The following BRCA1 variants were observed in gnomAD, a reference collection of about 807,000 sequenced individuals.
BRCA1 encodes the protein BRCA1 DNA repair associated, also known as breast cancer type 1 susceptibility protein.
BRCA1 carries 140 observed loss-of-function variants against 173.7 expected under a neutral mutation model. The observed-to-expected ratio is 0.81, with a 90% confidence interval of 0.70 to 0.93. BRCA1 has a LOEUF of 0.93. Among genes scored for constraint, BRCA1 ranks in the 40% least tolerant of loss-of-function variants. The pLI, the probability that BRCA1 is intolerant of heterozygous loss-of-function variation, is 0.00. For missense variants in BRCA1, 1,983 were observed against 2,172.5 expected (o/e 0.91, Z 1.73); for synonymous variants, 662 against 756.0 (o/e 0.88, Z 2.04).
At chr17:43,119,716 T>C (rs1028045689) in intron 2 of BRCA1, among the ~76,000 whole-genome samples, 1 of 152,204 alleles carries the variant, frequency 6.6e-6, no homozygotes, top group African/African-American at 2.4e-5. Flanking sequence ...TCCCTATTTC[T>C]GAGATAAGCT....
rs8176243 is a variant in BRCA1 at position 43,065,535 on chromosome 17, A to C, written c.5075-1584T>G. Among the ~76,000 whole-genome samples, 4,557 of 152,214 alleles carry C rather than the reference A, an allele frequency of 0.03. 95 individuals are homozygous for C. Among genetic ancestry groups the C allele is most frequent in the South Asian group, 0.09 (432 of 4,812 alleles). ...AATACAAAATTAGGTATGGTGGTGCATTCCTGTAATCCCAGCTACTCGGGA... is the reference window on the plus strand; with the variant it reads ...AATACAAAATTAGGTATGGTGGTGCCTTCCTGTAATCCCAGCTACTCGGGA... On this transcript the variant is annotated intron_variant, in intron 16 of 22. Transcript: ENST00000357654.
chr17:43,144,812 G>T (rs753987593), intron 1 of BRCA1: 5 of 414,492 alleles, frequency 1.2e-5, no homozygotes, highest in Non-Finnish European at 2.3e-5. Flanking sequence ...TCTAAGGTCT[G>T]GAGTTCGAGA....
chr17:43,085,131 G>A (rs970973913), intron 11 of BRCA1, among the ~76,000 whole-genome samples: 1 of 152,140 alleles, frequency 6.6e-6, no homozygotes, highest in Non-Finnish European at 1.5e-5. Flanking sequence ...CTTCTACTAT[G>A]CTGCTCTGAT....
At position 43,045,756 on chromosome 17, in the gene BRCA1, C is replaced by T. The variant is rs786201248; in HGVS notation, c.5514G>A (p.Val1838=). The T allele has an allele frequency of 6.2e-7, 1 of 1,614,136 alleles. No homozygotes were observed. The highest frequency in any genetic ancestry group is 1.1e-5 in the South Asian group (1 of 91,082). Residue 1838 remains valine, a synonymous_variant, in exon 23 of 23, where the codon GTG becomes GTA. Transcript: ENST00000357654. ...ACTGGTAGAGTGCTACACTGTCCAA[C>T]ACCCACTCTCGGGTCACCACAGGTG... ...CEAPVVTREW[V]LDSVALYQCQ... is the part of the protein sequence containing the mutation.
chr17:43,122,886 AAAG>A (rs1239500899), intron 2 of BRCA1, among the ~76,000 whole-genome samples: 2 of 151,418 alleles, frequency 1.3e-5, no homozygotes, highest in Admixed American at 6.6e-5. Context: ...CTCTACTAAA[AAAG>A]AAAAAAAAAT....
At chr17:43,151,475 C>T (rs2056161211) in intron 1 of BRCA1, among the ~76,000 whole-genome samples, 1 of 152,026 alleles carries the variant, frequency 6.6e-6, no homozygotes, top group African/African-American at 2.4e-5. Flanking sequence ...AGCTCTGGGA[C>T]TCTGTCTCAA....
chr17:43,053,531 G>A (rs928008115), intron 19 of BRCA1, among the ~76,000 whole-genome samples: 4 of 151,626 alleles, frequency 2.6e-5, no homozygotes, highest in Non-Finnish European at 4.4e-5. Flanking sequence ...GCATGGTGGC[G>A]GGCACCTGTA....
At chr17:43,135,572 G>A (rs1234670300) in intron 1 of BRCA1, among the ~76,000 whole-genome samples, 1 of 152,170 alleles carries the variant, frequency 6.6e-6, no homozygotes, top group African/African-American at 2.4e-5. Flanking sequence ...CTTCATCCGC[G>A]TGGAACCTTC....
intron 12 of BRCA1, among the ~76,000 whole-genome samples, chr17:43,079,118 G>A (rs2052879066): frequency 6.6e-6 from 1 of 152,034 alleles, no homozygotes; most frequent in African/African-American, 2.4e-5. Flanking sequence ...ACATTGTAAT[G>A]AGCCGAAATC....
chr17:43,165,762 T>C (rs2056262647), intron 1 of BRCA1: 1 of 147,714 alleles, frequency 6.8e-6, no homozygotes, highest in East Asian at 2.0e-4. Flanking sequence ...ACCATTCTTT[T>C]CCAAAGCGAA....
upstream of BRCA1, chr17:43,170,306 A>T (rs1159519203): frequency 6.3e-6 from 1 of 158,088 alleles, no homozygotes; most frequent in Non-Finnish European, 1.4e-5. Flanking sequence ...AGACACAGTC[A>T]GAGGAAGGGC....
chr17:43,124,135 C>CAT lies in BRCA1; in HGVS notation c.-19-22_-19-21dup, dbSNP rs273898667. The CAT allele has an allele frequency of 3.0e-4, 391 of 1,291,020 alleles. 1 individual carries two copies. Among genetic ancestry groups the CAT allele is most frequent in the African/African-American group, 1.3e-3 (91 of 67,434 alleles). 80.0% of individuals were successfully genotyped at this position (1,291,020 alleles called of 1,614,324 possible). On this transcript the variant is annotated intron_variant, in intron 1 of 22. Coordinates refer to ENST00000357654, the MANE Select transcript of BRCA1 (RefSeq NM_007294.4). ...AATGAACTTTAACACATTAGAAAAA[C>CAT]ATATATATATATCTTTTTAAAAGGT...
At position 43,104,282 on chromosome 17, in the gene BRCA1, CATT is replaced by C. The variant is rs756577139; in HGVS notation, c.302-24_302-22del. On this transcript the variant is annotated intron_variant, in intron 5 of 22. Transcript: ENST00000357654. ...TGCATCTGTAAAATACAAGGGAAAA[CATT>C]ATGTTTGCAGTTAGAGAAAAATGTA... 5.0e-6 allele frequency: 8 copies of C among 1,605,930 alleles called. No individual in the cohort carries two copies. Among genetic ancestry groups the C allele is most frequent in the Admixed American group, 1.7e-5 (1 of 59,706 alleles).
chr17:43,149,461 C>T (rs1597940878), intron 1 of BRCA1, among the ~76,000 whole-genome samples: 1 of 150,816 alleles, frequency 6.6e-6, no homozygotes, highest in East Asian at 2.0e-4. Context: ...TCTCGAACAC[C>T]TGACATCAAG....
At chr17:43,064,827 A>ATTTTTTTTTTTTTTTTTTTT (rs60879064) in intron 16 of BRCA1, among the ~76,000 whole-genome samples, 1 of 106,694 alleles carries the variant, frequency 9.4e-6, no homozygotes, top group African/African-American at 4.1e-5. Context: ...TTTGATTTGC[A>ATTTTTTTTTTTTTTTTTTTT]TTTTTTTTTT....
rs1218652386 is a variant in BRCA1, at chr17:43,063,378, A to G, written c.5153-5T>C. ...CTTTAATAGACTGGGTCACCCCTAA[A>G]GAGATCATAGAAAAGACAGGTTACA... On this transcript the variant is annotated splice_polypyrimidine_tract_variant and splice_region_variant and intron_variant, in intron 17 of 22. Coordinates refer to ENST00000357654, the MANE Select transcript of BRCA1 (RefSeq NM_007294.4). The G allele has an allele frequency of 6.2e-7, 1 of 1,610,600 alleles. No individual in the cohort carries two copies. The highest frequency in any genetic ancestry group is 1.3e-5 in the African/African-American group (1 of 74,958).
chr17:43,142,335 C>G (rs1180423423), intron 1 of BRCA1: 4 of 152,280 alleles, frequency 2.6e-5, no homozygotes, highest in Non-Finnish European at 2.9e-5. Context: ...AGCACTGTAC[C>G]TGACCACAGC....
Position 43,070,174 on chromosome 17 carries a change from C to T in BRCA1, c.4986+754G>A, listed in dbSNP as rs574184046. Among the ~76,000 whole-genome samples the T allele has an allele frequency of 5.3e-5, 8 of 152,158 alleles. No homozygotes were observed. The East Asian group carries it at 1.5e-3, about 29-fold the overall frequency. The stretch of plus-strand genomic sequence containing the variant: ...TCTTGATCTCCTGACCTTAGGTGAT[C>T]TGACCACCTCAGCCTCCCAAAGTGC... On this transcript the variant is annotated intron_variant, in intron 15 of 22. Transcript: ENST00000357654.
Position 43,092,691 on chromosome 17 carries a change from T to C in BRCA1, c.2840A>G (p.Lys947Arg), listed in dbSNP as rs778118145. 6.2e-7 allele frequency: 1 copy of C among 1,614,162 alleles called. No individual in the cohort carries two copies. Among genetic ancestry groups the C allele is most frequent in the Admixed American group, 1.7e-5 (1 of 60,020 alleles). The stretch of plus-strand genomic sequence containing the variant: ...TGATAGACAAAACCTAGAGCCTCCT[T>C]TGATACTACATTTGGCATTATCAAC... ...KPVDNAKCSIKGGSRFCLSSQ... is the reference protein window; with the variant it reads ...KPVDNAKCSIRGGSRFCLSSQ... The change falls in exon 10 of 23, where the codon AAA (lysine) becomes AGA (arginine). Residue 947 changes from lysine to arginine, a missense_variant. By Grantham distance (26) the Lys-to-Arg change is conservative. Transcript: ENST00000357654.
Sources: gnomAD v4.1 joint callset for allele counts (sites outside exome capture counted in the v4.1 genomes callset) on GRCh38, gnomAD v4.1.1 for gene constraint, MANE v1.5 for transcripts, NCBI Gene and HGNC (gene_info 2026-07-23, HGNC 2026-07-21) for gene names.